CNBD1: variants seen among roughly 807,000 people sequenced by gnomAD.
The protein encoded by CNBD1 is cyclic nucleotide binding domain containing 1.
In CNBD1, 71 loss-of-function variants were observed where a neutral mutation model predicts 54.4. The observed-to-expected ratio is 1.30, with a 90% CI of 1.08 to 1.59. The LOEUF is 1.59. Among genes scored for constraint, CNBD1 ranks in the 40% most tolerant of loss-of-function variants. The probability of loss-of-function intolerance (pLI) is 0.00; values close to 1 mark genes in which losing one functional copy is unlikely to be tolerated. For synonymous variants in CNBD1, 182 were observed against 170.7 expected, an observed-to-expected ratio of 1.07 and a Z score of -0.51; for missense variants, 659 against 518.0, an observed-to-expected ratio of 1.27 and a Z score of -2.64.
intron 4 of CNBD1, among the ~76,000 whole-genome samples, chr8:87,041,615 G>A (rs556501314): frequency 7.2e-5 from 11 of 152,208 alleles, no homozygotes; most frequent in South Asian, 4.1e-4. Context: ...TGGCTAACAC[G>A]GTGAAACCCC....
chr8:87,224,002 G>A (rs1814413223), intron 5 of CNBD1, among the ~76,000 whole-genome samples: 1 of 152,192 alleles, frequency 6.6e-6, no homozygotes, highest in Non-Finnish European at 1.5e-5. Flanking sequence ...GTGACGGTGA[G>A]CATTTTTTCA....
chr8:87,111,456 CAG>C (rs1199912859), intron 4 of CNBD1, among the ~76,000 whole-genome samples: 2 of 152,222 alleles, frequency 1.3e-5, no homozygotes, highest in Non-Finnish European at 2.9e-5. Flanking sequence ...CCCCTTTTCT[CAG>C]TGTGTACTTA....
chr8:86,940,462 G>A (rs1009183294), intron 4 of CNBD1, among the ~76,000 whole-genome samples: 4 of 152,044 alleles, frequency 2.6e-5, no homozygotes, highest in Non-Finnish European at 5.9e-5. Flanking sequence ...TTCCGCACCC[G>A]GCCCCATTCC....
intron 4 of CNBD1, among the ~76,000 whole-genome samples, chr8:87,024,273 G>C (rs1258695171): frequency 6.7e-6 from 1 of 149,762 alleles, no homozygotes; most frequent in African/African-American, 2.5e-5. Flanking sequence ...AAGCTATCCA[G>C]GAATCATTAG....
intron 3 of CNBD1, among the ~76,000 whole-genome samples, chr8:86,906,541 A>G (rs1809020634): frequency 6.6e-6 from 1 of 152,226 alleles, no homozygotes; most frequent in Non-Finnish European, 1.5e-5. Context: ...TCAAGTTAAC[A>G]TCACTCTAAA....
intron 4 of CNBD1, among the ~76,000 whole-genome samples, chr8:87,171,557 G>C (rs994845698): frequency 6.6e-6 from 1 of 151,024 alleles, no homozygotes. Flanking sequence ...ATTAATTTTG[G>C]GTTTTGTTTG....
intron 2 of CNBD1, among the ~76,000 whole-genome samples, chr8:87,425,554 G>T (rs995267261): frequency 5.3e-5 from 8 of 152,084 alleles, no homozygotes; most frequent in Admixed American, 2.0e-4. Context: ...ACCCTCAGCT[G>T]CAGGTCTGTT....
chr8:87,414,419 G>A (rs1586087994), intron 2 of CNBD1, among the ~76,000 whole-genome samples: 2 of 152,040 alleles, frequency 1.3e-5, no homozygotes, highest in African/African-American at 4.8e-5. Flanking sequence ...TATACCTAAT[G>A]CTAAATGACA....
At position 87,237,028 on chromosome 8, in the gene CNBD1, TCA is replaced by T; in HGVS notation, c.688_689del (p.Gln230GlufsTer9). ...GTGATTCACCAGACTCGTTCATATC[TCA>T]GAGTTTCCACAGCTTCATTTGGAGT... ...GSDSPDSFISQSFHSFIWSEE... is the reference protein window; with the variant it reads ...GSDSPDSFISXSFHSFIWSEE... On this transcript the variant is annotated frameshift_variant, in exon 6 of 11. Transcript: ENST00000518476. LOFTEE classifies it high-confidence loss of function. 1.2e-6 allele frequency: 2 copies of T among 1,612,334 alleles called. No homozygotes were observed. The highest frequency in any genetic ancestry group is 1.7e-6 in the Non-Finnish European group (2 of 1,178,688).
chr8:87,280,680 G>T (rs1401998434), intron 6 of CNBD1, among the ~76,000 whole-genome samples: 1 of 151,424 alleles, frequency 6.6e-6, no homozygotes, highest in African/African-American at 2.4e-5. Flanking sequence ...TCAGGAAATT[G>T]TATTTTTATA....
chr8:87,333,810 A>T (rs1236051085), intron 8 of CNBD1, among the ~76,000 whole-genome samples: 1 of 152,056 alleles, frequency 6.6e-6, no homozygotes, highest in African/African-American at 2.4e-5. Flanking sequence ...TTTATCAGGG[A>T]TATTGGCCTG....
chr8:87,241,257 G>A (rs1807696273), intron 6 of CNBD1, among the ~76,000 whole-genome samples: 1 of 139,244 alleles, frequency 7.2e-6, no homozygotes, highest in Non-Finnish European at 1.5e-5. Flanking sequence ...ACAAAAATCT[G>A]TATTTGGAAG....
In CNBD1 at chr8:87,319,914, T is replaced by A. The variant is rs377103061; in HGVS notation, c.1043-31771T>A. On this transcript the variant is annotated intron_variant, in intron 8 of 10. Transcript: ENST00000518476. ...ATTGGATTTTGTCCTAAGTTCTTGATGTTTTAACAACAAAATTTTATCTTT... is the reference window on the plus strand; with the variant it reads ...ATTGGATTTTGTCCTAAGTTCTTGAAGTTTTAACAACAAAATTTTATCTTT... Among the ~76,000 whole-genome samples the A allele has an allele frequency of 5.3e-5, 8 of 152,054 alleles. No individual in the cohort carries two copies. In the East Asian group the frequency reaches 7.7e-4, roughly 15 times the overall value.
intron 4 of CNBD1, among the ~76,000 whole-genome samples, chr8:86,983,940 A>C (rs1808546017): frequency 6.6e-6 from 1 of 152,192 alleles, no homozygotes; most frequent in African/African-American, 2.4e-5. Flanking sequence ...TGAGAGGTTT[A>C]GCATTTGTTC....
chr8:87,099,688 C>A (rs1811390901), intron 4 of CNBD1, among the ~76,000 whole-genome samples: 1 of 152,080 alleles, frequency 6.6e-6, no homozygotes. Flanking sequence ...GTTTGAAATT[C>A]CCAATAATAA....
At chr8:87,364,036 G>C (rs1029632941) in intron 10 of CNBD1, among the ~76,000 whole-genome samples, 1 of 145,850 alleles carries the variant, frequency 6.9e-6, no homozygotes, top group African/African-American at 2.8e-5. Context: ...TGGCTCAAAT[G>C]TTGTTGTTTT....
intron 6 of CNBD1, among the ~76,000 whole-genome samples, chr8:87,265,322 G>A (rs555017087): frequency 5.3e-4 from 80 of 152,024 alleles, no homozygotes; most frequent in Middle Eastern, 6.8e-3. Flanking sequence ...GATATGTGGC[G>A]TTATTTCTGA....
At chr8:87,162,968 C>A (rs1421069938) in intron 4 of CNBD1, among the ~76,000 whole-genome samples, 1 of 152,020 alleles carries the variant, frequency 6.6e-6, no homozygotes, top group African/African-American at 2.4e-5. Flanking sequence ...TCTCATTTTT[C>A]CTTTCTGCTT....
intron 4 of CNBD1, among the ~76,000 whole-genome samples, chr8:86,991,795 G>T (rs1808755528): frequency 6.6e-6 from 1 of 152,040 alleles, no homozygotes; most frequent in South Asian, 2.1e-4. Flanking sequence ...AGGAGCAAAT[G>T]TTCAAGTTCC....
Sources: gnomAD v4.1 joint callset for allele counts (sites outside exome capture counted in the v4.1 genomes callset) on GRCh38, gnomAD v4.1.1 for gene constraint, MANE v1.5 for transcripts, NCBI Gene and HGNC (gene_info 2026-07-23, HGNC 2026-07-21) for gene names.